Variants in COMMD10 observed in about 807,000 individuals in gnomAD.
COMMD10 encodes the protein COMM domain containing 10.
A neutral mutation model predicts 28.9 loss-of-function variants in COMMD10; 33 were observed. The observed-to-expected ratio is 1.14, with a 90% CI of 0.87 to 1.53. The LOEUF (loss-of-function observed/expected upper bound fraction) is 1.53. Among genes scored for constraint, COMMD10 ranks in the 40% most tolerant of loss-of-function variants. COMMD10 has a pLI of 0.00. For missense variants in COMMD10, 310 were observed against 233.4 expected (o/e 1.33, Z -2.14); for synonymous variants, 110 against 81.7 (o/e 1.35, Z -1.87).
chr5:116,224,481 G>A (rs1749342076), intron 5 of COMMD10, among the ~76,000 whole-genome samples: 1 of 152,176 alleles, frequency 6.6e-6, no homozygotes, highest in South Asian at 2.1e-4. Flanking sequence ...CTTCTGGTAA[G>A]GCCTCAGGAA....
chr5:116,167,810 C>T (rs1336127663), intron 5 of COMMD10, among the ~76,000 whole-genome samples: 1 of 152,156 alleles, frequency 6.6e-6, no homozygotes, highest in Non-Finnish European at 1.5e-5. Context: ...CCAGGGCTGC[C>T]TTACAAGAGC....
intron 2 of COMMD10, among the ~76,000 whole-genome samples, chr5:116,090,835 C>T (rs182052438): frequency 2.6e-3 from 389 of 152,310 alleles, no homozygotes; most frequent in Non-Finnish European, 4.4e-3. Flanking sequence ...GCACAGGGCT[C>T]TGATGCTTGT....
intron 5 of COMMD10, among the ~76,000 whole-genome samples, chr5:116,249,828 A>T (rs1750058048): frequency 6.6e-6 from 1 of 151,830 alleles, no homozygotes; most frequent in Non-Finnish European, 1.5e-5. Flanking sequence ...TTGGCAAGAG[A>T]TTAGGTCCAC....
chr5:116,169,575 A>T (rs1460976763), intron 5 of COMMD10, among the ~76,000 whole-genome samples: 2 of 152,178 alleles, frequency 1.3e-5, no homozygotes, highest in Non-Finnish European at 2.9e-5. Flanking sequence ...ATGAACATTG[A>T]TGTGAAAATC....
intron 5 of COMMD10, among the ~76,000 whole-genome samples, chr5:116,192,426 A>G (rs964113161): frequency 1.3e-5 from 2 of 152,096 alleles, no homozygotes; most frequent in African/African-American, 2.4e-5. Flanking sequence ...AAACAATACA[A>G]GAAGTGAAGG....
intron 5 of COMMD10, among the ~76,000 whole-genome samples, chr5:116,241,055 G>GT (rs1411328987): frequency 6.6e-6 from 1 of 152,142 alleles, no homozygotes; most frequent in Admixed American, 6.5e-5. Flanking sequence ...TAAGTGACTA[G>GT]TTTATGGTCC....
chr5:116,197,849 A>G (rs7449449), intron 5 of COMMD10, among the ~76,000 whole-genome samples: 4 of 151,970 alleles, frequency 2.6e-5, no homozygotes, highest in Non-Finnish European at 5.9e-5. Flanking sequence ...GGGAGATTAC[A>G]TGACTTGCCT....
rs1749148272 is a variant in COMMD10, at chr5:116,217,939, T to G, written c.511-73578T>G. On this transcript the variant is annotated intron_variant, in intron 5 of 6. Coordinates refer to ENST00000274458, the MANE Select transcript of COMMD10 (RefSeq NM_016144.4). ...CAAAAAAAAAAAGTAAAACAAAATT[T>G]TGCATTTTTATAAAACTTGGTAAAA... 3 of 735,734 alleles carry G rather than the reference T, an allele frequency of 4.1e-6. No homozygotes were observed. In the African/African-American group the frequency reaches 5.3e-5, roughly 13 times the overall value. 45.6% of individuals were successfully genotyped at this position (735,734 alleles called of 1,614,324 possible).
At chr5:116,092,345 A>G (rs1473030772) in intron 3 of COMMD10, among the ~76,000 whole-genome samples, 200 bp from the exon 4 acceptor site, 1 of 152,184 alleles carries the variant, frequency 6.6e-6, no homozygotes, top group African/African-American at 2.4e-5. Flanking sequence ...CATCTTGAAT[A>G]ATTTAGGCCA....
chr5:116,117,831 A>G (rs1233117640), intron 4 of COMMD10, among the ~76,000 whole-genome samples: 3 of 152,284 alleles, frequency 2.0e-5, no homozygotes, highest in East Asian at 3.9e-4. Flanking sequence ...TAGAGATTAT[A>G]TATTTTTATA....
intron 2 of COMMD10, among the ~76,000 whole-genome samples, chr5:116,088,950 T>C (rs1204617429): frequency 6.6e-6 from 1 of 152,226 alleles, no homozygotes; most frequent in Admixed American, 6.5e-5. Flanking sequence ...AATACATTGC[T>C]ACTAGTATAG....
Position 116,143,069 on chromosome 5 carries a change from G to GTT in COMMD10, c.510+8907_510+8908dup, listed in dbSNP as rs375227609. 7.8e-3 allele frequency among the ~76,000 whole-genome samples: 1,023 copies of GTT among 130,572 alleles called. 7 individuals are homozygous for GTT. The highest frequency in any genetic ancestry group is 0.018 in the Middle Eastern group (4 of 226). 85.7% of individuals were successfully genotyped at this position (130,572 alleles called of 152,430 possible). A position where few individuals can be genotyped will look rare whatever the true frequency, so the allele number is the denominator to read the frequency against. ...TCCCTCAATTTAATGTGTGTTTTTG[G>GTT]TTTTTTTTTTTTTTTTTGGTTTTGT... On this transcript the variant is annotated intron_variant, in intron 5 of 6. Coordinates refer to ENST00000274458, the MANE Select transcript of COMMD10 (RefSeq NM_016144.4).
At chr5:116,086,084 A>T (rs1345099425) in intron 1 of COMMD10, among the ~76,000 whole-genome samples, 1 of 152,226 alleles carries the variant, frequency 6.6e-6, no homozygotes, top group Non-Finnish European at 1.5e-5. Context: ...TGGGAATTTA[A>T]ATACCCTCTA....
chr5:116,285,506 G>A (rs1269416122), intron 5 of COMMD10, among the ~76,000 whole-genome samples: 1 of 151,904 alleles, frequency 6.6e-6, no homozygotes, highest in Non-Finnish European at 1.5e-5. Flanking sequence ...ACTTACCACT[G>A]CTGTATTCCC....
chr5:116,162,902 C>G (rs1752965271), intron 5 of COMMD10, among the ~76,000 whole-genome samples: 2 of 152,044 alleles, frequency 1.3e-5, no homozygotes, highest in African/African-American at 4.8e-5. Context: ...ATTCAGAGCC[C>G]TAATATGTAT....
intron 5 of COMMD10, among the ~76,000 whole-genome samples, chr5:116,163,220 T>G (rs960900975): frequency 2.2e-5 from 3 of 136,632 alleles, no homozygotes; most frequent in Non-Finnish European, 4.6e-5. Flanking sequence ...GATCTTAGAT[T>G]TTTAAAAGCA....
intron 2 of COMMD10, among the ~76,000 whole-genome samples, chr5:116,090,434 T>C (rs1750258514): frequency 1.3e-5 from 2 of 152,200 alleles, no homozygotes; most frequent in Non-Finnish European, 2.9e-5. Context: ...AGCTGGGAAC[T>C]TAGAAATAAA....
chr5:116,117,866 G>A (rs986538267), intron 4 of COMMD10, among the ~76,000 whole-genome samples: 1 of 152,066 alleles, frequency 6.6e-6, no homozygotes, highest in Non-Finnish European at 1.5e-5. Context: ...TGTGATATAG[G>A]CTATTTCCCA....
At chr5:116,138,470 A>C (rs1253290354) in intron 5 of COMMD10, among the ~76,000 whole-genome samples, 2 of 151,832 alleles carry the variant, frequency 1.3e-5, no homozygotes, top group African/African-American at 4.8e-5. Context: ...CCAACACTTT[A>C]ACTTTGAATA....
Sources: gnomAD v4.1 joint callset for allele counts (sites outside exome capture counted in the v4.1 genomes callset) on GRCh38, gnomAD v4.1.1 for gene constraint, MANE v1.5 for transcripts, NCBI Gene and HGNC (gene_info 2026-07-23, HGNC 2026-07-21) for gene names.